The following EVI5 variants were observed in gnomAD, a reference collection of about 807,000 sequenced individuals.
The protein encoded by EVI5 is ecotropic viral integration site 5 protein homolog.
EVI5 carries 73 observed loss-of-function variants against 112.0 expected under a neutral mutation model. That is an observed-to-expected ratio of 0.65 (90% CI 0.54 to 0.79). The LOEUF (loss-of-function observed/expected upper bound fraction) is 0.79. Among genes scored for constraint, EVI5 ranks in the 30% least tolerant of loss-of-function variants. EVI5 has a pLI of 0.00. For synonymous variants in EVI5, 305 were observed against 319.9 expected, an observed-to-expected ratio of 0.95 and a Z score of 0.50; for missense variants, 900 against 968.8, an observed-to-expected ratio of 0.93 and a Z score of 0.94.
chr1:92,771,941 G>A (rs879389243), intron 1 of EVI5, among the ~76,000 whole-genome samples: 5 of 151,750 alleles, frequency 3.3e-5, no homozygotes, highest in Non-Finnish European at 5.9e-5. Context: ...TGCAACCTCC[G>A]CCTCCTGGGT....
At chr1:92,739,529 C>A (rs576276838) in intron 1 of EVI5, among the ~76,000 whole-genome samples, 2 of 152,114 alleles carry the variant, frequency 1.3e-5, no homozygotes, top group East Asian at 1.9e-4. Context: ...GAAGGTTGCA[C>A]AACCTTGTGA....
At chr1:92,577,256 T>G (rs948283568) in intron 18 of EVI5, among the ~76,000 whole-genome samples, 11 of 152,360 alleles carry the variant, frequency 7.2e-5, no homozygotes, top group African/African-American at 2.6e-4. Flanking sequence ...GACTTAGGCT[T>G]GCTCATCTTC....
chr1:92,546,298 C>T (rs1665686182), intron 19 of EVI5, among the ~76,000 whole-genome samples: 2 of 152,290 alleles, frequency 1.3e-5, no homozygotes, highest in Admixed American at 1.3e-4. Flanking sequence ...GAATCCAGGT[C>T]CCCTGACTGA....
rs180799578 is a variant in EVI5, at chr1:92,661,409, C to T, written c.1392+1310G>A. On this transcript the variant is annotated intron_variant, in intron 13 of 19. Transcript: ENST00000684568. The stretch of plus-strand genomic sequence containing the variant: ...TTGATATACATCTATCAATAAGTCT[C>T]AATATTTGAAAAACAATGTAAAAAA... 2.6e-5 allele frequency among the ~76,000 whole-genome samples: 4 copies of T among 152,052 alleles called. No individual in the cohort carries two copies. In the East Asian group the frequency reaches 7.7e-4, roughly 29 times the overall value.
intron 1 of EVI5, among the ~76,000 whole-genome samples, chr1:92,783,698 G>T (rs1299529546): frequency 1.3e-5 from 2 of 150,948 alleles, no homozygotes; most frequent in Admixed American, 1.3e-4. Context: ...TGTAGTCCCA[G>T]CTACTCGCGG....
rs368579873 is a variant in EVI5 at position 92,510,272 on chromosome 1, C to T, written c.*3384G>A. On this transcript the variant is annotated 3_prime_UTR_variant, in exon 20 of 20. Transcript: ENST00000684568. The stretch of plus-strand genomic sequence containing the variant: ...TCTTATCTTAAAGTCAAACTATAAC[C>T]TTTACTCAATAAAGCATACTCTTAA... 5.3e-5 allele frequency: 8 copies of T among 152,276 alleles called. No homozygotes were observed. In the East Asian group the frequency reaches 1.2e-3, roughly 22 times the overall value. 9.4% of individuals were successfully genotyped at this position (152,276 alleles called of 1,614,324 possible). A position where few individuals can be genotyped will look rare whatever the true frequency, so the allele number is the denominator to read the frequency against.
intron 16 of EVI5, among the ~76,000 whole-genome samples, chr1:92,614,202 C>G (rs543917587): frequency 1.3e-5 from 2 of 152,246 alleles, no homozygotes; most frequent in Non-Finnish European, 2.9e-5. Flanking sequence ...AAAGGCCTAG[C>G]AGAAGGAAAA....
intron 18 of EVI5, among the ~76,000 whole-genome samples, chr1:92,581,306 G>A (rs1335518723): frequency 6.6e-6 from 1 of 152,138 alleles, no homozygotes; most frequent in Admixed American, 6.5e-5. Flanking sequence ...CCTAGTTGGG[G>A]GAATATATCA....
In EVI5 at chr1:92,511,052, T is replaced by G. The variant is rs1364504261; in HGVS notation, c.*2604A>C. On this transcript the variant is annotated 3_prime_UTR_variant, in exon 20 of 20. Transcript: ENST00000684568. ...TCCTACGAGTAAGTAGTATCTACAC[T>G]CACAGACTGTGTAGAGCTTGTAAGT... is the stretch of plus-strand genomic sequence containing the variant. 2 of 152,200 alleles carry G rather than the reference T, an allele frequency of 1.3e-5. No homozygotes were observed. Among genetic ancestry groups the G allele is most frequent in the African/African-American group, 2.4e-5 (1 of 41,450 alleles). 9.4% of individuals were successfully genotyped at this position (152,200 alleles called of 1,614,324 possible). A position where few individuals can be genotyped will look rare whatever the true frequency, so the allele number is the denominator to read the frequency against.
At chr1:92,634,146 A>T (rs2101891361) in intron 14 of EVI5, among the ~76,000 whole-genome samples, 1 of 152,192 alleles carries the variant, frequency 6.6e-6, no homozygotes, top group South Asian at 2.1e-4. Context: ...GGTGAATCTG[A>T]CAATTATGTG....
intron 1 of EVI5, among the ~76,000 whole-genome samples, chr1:92,777,305 C>T (rs1684275896): frequency 1.3e-5 from 2 of 152,296 alleles, no homozygotes; most frequent in South Asian, 4.1e-4. Flanking sequence ...ATTCATGCAA[C>T]ATTTAATGTA....
intron 18 of EVI5, among the ~76,000 whole-genome samples, chr1:92,566,726 G>T (rs1462966891): frequency 6.6e-6 from 1 of 151,754 alleles, no homozygotes; most frequent in Non-Finnish European, 1.5e-5. Flanking sequence ...TCTTCCAGTG[G>T]GACAAGATGT....
intron 19 of EVI5, among the ~76,000 whole-genome samples, chr1:92,539,822 T>C (rs989339311): frequency 2.0e-5 from 3 of 152,180 alleles, no homozygotes; most frequent in Non-Finnish European, 4.4e-5. Context: ...ATTTTTATCA[T>C]GCCATAAATA....
In EVI5 at chr1:92,694,286, AT is replaced by A; in HGVS notation, c.999+12del. ...TCTCAAAAAAAAAAAAAGAAAATAA[AT>A]TATGAACTTACCTGTAACATCCCTT... On this transcript the variant is annotated intron_variant, in intron 8 of 19. Coordinates refer to ENST00000684568, the MANE Select transcript of EVI5 (RefSeq NM_001350197.2). The A allele has an allele frequency of 6.7e-7, 1 of 1,493,578 alleles. No individual in the cohort carries two copies. The highest frequency in any genetic ancestry group is 9.2e-7 in the Non-Finnish European group (1 of 1,086,794). The allele number at this position is 1,493,578 out of a possible 1,614,324, so 92.5% of individuals were successfully genotyped here.
chr1:92,713,698 A>G (rs964501795), intron 2 of EVI5, among the ~76,000 whole-genome samples: 6 of 152,012 alleles, frequency 3.9e-5, no homozygotes, highest in African/African-American at 1.4e-4. Flanking sequence ...AATCACTTGA[A>G]CCCAGGAGGC....
intron 18 of EVI5, among the ~76,000 whole-genome samples, chr1:92,586,465 G>A (rs964464276): frequency 1.3e-5 from 2 of 151,450 alleles, no homozygotes; most frequent in South Asian, 4.2e-4. Context: ...TTATACTTTG[G>A]CTTGTGTATT....
chr1:92,575,001 T>C (rs1378716396), intron 18 of EVI5, among the ~76,000 whole-genome samples: 1 of 152,188 alleles, frequency 6.6e-6, no homozygotes, highest in East Asian at 1.9e-4. Flanking sequence ...GAGCATTTAA[T>C]CAGTTAACAC....
At chr1:92,716,979 C>T (rs1326566278) in intron 2 of EVI5, among the ~76,000 whole-genome samples, 1 of 152,026 alleles carries the variant, frequency 6.6e-6, no homozygotes, top group Non-Finnish European at 1.5e-5. Flanking sequence ...TAATAACAAA[C>T]TTCTCCGAGC....
chr1:92,611,441 G>C (rs1651771321), intron 16 of EVI5, among the ~76,000 whole-genome samples: 1 of 151,674 alleles, frequency 6.6e-6, no homozygotes. Flanking sequence ...GCTCACACCT[G>C]TAATCCCAGC....
Sources: gnomAD v4.1 joint callset for allele counts (sites outside exome capture counted in the v4.1 genomes callset) on GRCh38, gnomAD v4.1.1 for gene constraint, MANE v1.5 for transcripts, NCBI Gene and HGNC (gene_info 2026-07-23, HGNC 2026-07-21) for gene names.